Variants in TUSC3 observed in about 807,000 individuals in gnomAD.
TUSC3 encodes the protein dolichyl-diphosphooligosaccharide--protein glycosyltransferase subunit TUSC3.
Under a neutral mutation model 44.8 loss-of-function variants are expected in TUSC3, and 45 were observed. That is an observed-to-expected ratio of 1.00 (90% CI 0.79 to 1.29). TUSC3 has a LOEUF of 1.29. Among genes scored for constraint, TUSC3 ranks in the 50% most tolerant of loss-of-function variants. The pLI, the probability that TUSC3 is intolerant of heterozygous loss-of-function variation, is 0.00. For synonymous variants in TUSC3, 212 were observed against 152.9 expected (o/e 1.39, Z -2.85); for missense variants, 519 against 437.9 (o/e 1.19, Z -1.65).
chr8:15,823,726 G>T, the TUSC3 span, among the ~76,000 whole-genome samples: 1 of 152,082 alleles, frequency 6.6e-6, no homozygotes, highest in African/African-American at 2.4e-5. Flanking sequence ...TTATCAATTG[G>T]AACTAAAATA....
intron 6 of TUSC3, among the ~76,000 whole-genome samples, chr8:15,721,220 A>G (rs973506898): frequency 4.6e-5 from 7 of 152,214 alleles, no homozygotes; most frequent in African/African-American, 1.2e-4. Flanking sequence ...AAATCATTCA[A>G]TTTATTAGCA....
At chr8:15,748,676 GTTTC>G (rs1811530323) in intron 9 of TUSC3, 2 of 700,064 alleles carry the variant, frequency 2.9e-6, no homozygotes, top group East Asian at 5.7e-5. Context: ...ACAGCATGTA[GTTTC>G]TTTCTAGACA....
the TUSC3 span, among the ~76,000 whole-genome samples, chr8:15,794,193 C>T: frequency 6.6e-6 from 1 of 152,134 alleles, no homozygotes; most frequent in Non-Finnish European, 1.5e-5. Context: ...TCATTTGGGC[C>T]TTTGAGAAAC....
At chr8:15,594,889 C>G (rs376105615) in intron 1 of TUSC3, among the ~76,000 whole-genome samples, 28 of 152,230 alleles carry the variant, frequency 1.8e-4, no homozygotes, top group Admixed American at 7.8e-4. Context: ...GCCCACGGCT[C>G]ACGGAAACTT....
At chr8:15,552,750 A>G (rs1802101471) in intron 1 of TUSC3, among the ~76,000 whole-genome samples, 1 of 151,672 alleles carries the variant, frequency 6.6e-6, no homozygotes, top group African/African-American at 2.4e-5. Flanking sequence ...TTGATCCTGA[A>G]ATCGGTGGGG....
intron 1 of TUSC3, among the ~76,000 whole-genome samples, chr8:15,583,486 T>C (rs1163903741): frequency 6.6e-6 from 1 of 152,224 alleles, no homozygotes; most frequent in Non-Finnish European, 1.5e-5. Context: ...CTTATTATTG[T>C]TCCCTTTGAA....
At chr8:15,808,986 A>C in the TUSC3 span, among the ~76,000 whole-genome samples, 4 of 152,210 alleles carry the variant, frequency 2.6e-5, no homozygotes, top group African/African-American at 9.7e-5. Context: ...CTGTAACTAA[A>C]CCCAAGTTTG....
In TUSC3 at chr8:15,540,567, A is replaced by G; in HGVS notation, c.137A>G (p.Glu46Gly). Residue 46 changes from glutamate (E) to glycine (G), a missense_variant and splice_region_variant, in exon 1 of 11, where the codon GAG becomes GGG. Transcript: ENST00000503731. The stretch of plus-strand genomic sequence containing the variant: ...CTCGGGGGAGGACAGAAGAAAAAGG[A>G]GGTAGAATGGATCCCCTTGGCCTTC... Reference protein sequence around the residue: ...IQLGGGQKKKENLLAEKVEQL... With the variant: ...IQLGGGQKKKGNLLAEKVEQL... The G allele has an allele frequency of 6.3e-7, 1 of 1,579,556 alleles. No individual in the cohort carries two copies. Among genetic ancestry groups the G allele is most frequent in the Non-Finnish European group, 8.6e-7 (1 of 1,163,180 alleles).
upstream of TUSC3, among the ~76,000 whole-genome samples, chr8:15,539,568 T>C (rs775274422): frequency 2.8e-3 from 428 of 151,988 alleles, 2 homozygotes; most frequent in Non-Finnish European, 4.2e-3. Context: ...GGCAGGCTGG[T>C]CTTGAACTCC....
At chr8:15,825,533 A>G in the TUSC3 span, among the ~76,000 whole-genome samples, 5 of 152,102 alleles carry the variant, frequency 3.3e-5, no homozygotes, top group Non-Finnish European at 5.9e-5. Context: ...GGGAGCTACA[A>G]TTTGTGATGA....
At chr8:15,698,781 T>C (rs1317705061) in intron 6 of TUSC3, among the ~76,000 whole-genome samples, 1 of 152,198 alleles carries the variant, frequency 6.6e-6, no homozygotes, top group Non-Finnish European at 1.5e-5. Flanking sequence ...AAATCATTAT[T>C]TTTCTCCAGT....
chr8:15,821,932 A>G, the TUSC3 span, among the ~76,000 whole-genome samples: 21,539 of 152,160 alleles, frequency 0.14, 1,695 homozygotes, highest in East Asian at 0.25. Flanking sequence ...ATAGACAGGT[A>G]AAGAGGGTGA....
intron 1 of TUSC3, among the ~76,000 whole-genome samples, chr8:15,620,472 G>A (rs1043015601): frequency 5.9e-5 from 9 of 152,046 alleles, no homozygotes; most frequent in Non-Finnish European, 1.3e-4. Context: ...ACATGACTGT[G>A]TACCCTGAAA....
chr8:15,830,523 T>C, the TUSC3 span, among the ~76,000 whole-genome samples: 1 of 152,210 alleles, frequency 6.6e-6, no homozygotes, highest in African/African-American at 2.4e-5. Flanking sequence ...TGTTTATCGA[T>C]GGATGACTGC....
At chr8:15,448,963 G>A (rs146439293) in intron 1 of TUSC3, among the ~76,000 whole-genome samples, 3 of 152,266 alleles carry the variant, frequency 2.0e-5, no homozygotes, top group Non-Finnish European at 4.4e-5. Flanking sequence ...TAGACTAATT[G>A]TAGAGTGTTT....
In TUSC3 at chr8:15,738,827, C is replaced by CTTTTTTTTTTCTTTCTT. The variant is rs1373248681; in HGVS notation, c.863-4701_863-4700insCTTTCTTTTTTTTTTTT. Among the ~76,000 whole-genome samples, 404 of 87,234 alleles carry CTTTTTTTTTTCTTTCTT rather than the reference C, an allele frequency of 4.6e-3. 12 individuals are homozygous for CTTTTTTTTTTCTTTCTT. The highest frequency in any genetic ancestry group is 8.6e-3 in the East Asian group (23 of 2,678). 57.2% of individuals were successfully genotyped at this position (87,234 alleles called of 152,430 possible). A position where few individuals can be genotyped will look rare whatever the true frequency, so the allele number is the denominator to read the frequency against. ...ACAAAATTACTATTAATATATCTTG[C>CTTTTTTTTTTCTTTCTT]TTTTTTTTTTTTTTTTTTTTTTTGA... On this transcript the variant is annotated intron_variant, in intron 7 of 10. Coordinates refer to ENST00000503731, the MANE Select transcript of TUSC3 (RefSeq NM_006765.4).
intron 1 of TUSC3, among the ~76,000 whole-genome samples, chr8:15,427,717 T>G (rs73189464): frequency 6.6e-6 from 1 of 152,056 alleles, no homozygotes; most frequent in Admixed American, 6.5e-5. Context: ...GAGGCAAGAA[T>G]TGAGGTTGCT....
chr8:15,470,835 G>C (rs1393991824), intron 1 of TUSC3, among the ~76,000 whole-genome samples: 1 of 152,172 alleles, frequency 6.6e-6, no homozygotes, highest in Non-Finnish European at 1.5e-5. Context: ...GTCCCAGTGA[G>C]TGTGGGTGTG....
In TUSC3 at chr8:15,464,969, C is replaced by T. The variant is rs542404903; in HGVS notation, n.92-18417C>T. On this transcript the variant is annotated intron_variant and non_coding_transcript_variant, in intron 1 of 5. Transcript: ENST00000503191. ...GGTTCAAGCGATTCTCTTGCCTCAG[C>T]CTCCCAAGTAGGTGGGATTACAGGC... Among the ~76,000 whole-genome samples, 9 of 152,214 alleles carry T rather than the reference C, an allele frequency of 5.9e-5. No homozygotes were observed. In the South Asian group the frequency reaches 8.3e-4, roughly 14 times the overall value.
Sources: gnomAD v4.1 joint callset for allele counts (sites outside exome capture counted in the v4.1 genomes callset) on GRCh38, gnomAD v4.1.1 for gene constraint, MANE v1.5 for transcripts, NCBI Gene and HGNC (gene_info 2026-07-23, HGNC 2026-07-21) for gene names.